Variants in FGF5 observed in about 807,000 individuals in gnomAD.
FGF5 encodes the protein heparin-binding growth factor 5.
Under a neutral mutation model 21.8 loss-of-function variants are expected in FGF5, and 23 were observed. The observed-to-expected ratio is 1.05, with a 90% CI of 0.76 to 1.49. FGF5 has a LOEUF of 1.49. Among genes scored for constraint, FGF5 ranks in the 40% most tolerant of loss-of-function variants. The pLI, the probability that FGF5 is intolerant of heterozygous loss-of-function variation, is 0.00. For synonymous variants in FGF5, 158 were observed against 124.0 expected (o/e 1.27, Z -1.82); for missense variants, 352 against 332.9 (o/e 1.06, Z -0.45).
intron 2 of FGF5, among the ~76,000 whole-genome samples, chr4:80,276,752 G>T (rs192136131): frequency 7.0e-6 from 1 of 142,182 alleles, no homozygotes; most frequent in East Asian, 2.1e-4. Context: ...TCTCACGAGG[G>T]CTGGAAAAAA....
upstream of FGF5, chr4:80,266,612 G>C (rs1027945987): frequency 1.8e-6 from 1 of 568,420 alleles, no homozygotes; most frequent in African/African-American, 1.9e-5. Context: ...GGCGTGCACG[G>C]AGCAGTGAGA....
intron 1 of FGF5, among the ~76,000 whole-genome samples, chr4:80,272,835 T>C (rs1436156425): frequency 1.3e-5 from 2 of 152,126 alleles, no homozygotes; most frequent in Non-Finnish European, 2.9e-5. Context: ...TTCTTTCTCA[T>C]TTTTGAATGC....
chr4:80,270,831 T>C (rs1578291445), intron 1 of FGF5, among the ~76,000 whole-genome samples: 1 of 152,224 alleles, frequency 6.6e-6, no homozygotes, highest in East Asian at 1.9e-4. Flanking sequence ...TCGTCGATGT[T>C]ACTGCTTTTT....
intron 1 of FGF5, among the ~76,000 whole-genome samples, chr4:80,271,087 C>A (rs1024520176): frequency 6.6e-6 from 1 of 152,094 alleles, no homozygotes; most frequent in Non-Finnish European, 1.5e-5. Flanking sequence ...ATATTTTTGT[C>A]TGGGGATTTT....
Position 80,291,007 on chromosome 4 carries a change from A to G in FGF5, c.*4335A>G, listed in dbSNP as rs1472272912. Reference sequence around the variant, plus strand: ...AGTGCTGCAATAAACATATGTGTGCATGTGTCTTTATAGCAGCATGATTTA... The same window carrying G: ...AGTGCTGCAATAAACATATGTGTGCGTGTGTCTTTATAGCAGCATGATTTA... On this transcript the variant is annotated 3_prime_UTR_variant, in exon 3 of 3. Coordinates refer to ENST00000312465, the MANE Select transcript of FGF5 (RefSeq NM_004464.4). The G allele has an allele frequency of 6.6e-6, 1 of 152,182 alleles. No homozygotes were observed. Among genetic ancestry groups the G allele is most frequent in the African/African-American group, 2.4e-5 (1 of 41,430 alleles). 9.4% of individuals were successfully genotyped at this position (152,182 alleles called of 1,614,324 possible).
Position 80,290,372 on chromosome 4 carries a change from A to G in FGF5, c.*3700A>G, listed in dbSNP as rs1434226052. 6.6e-6 allele frequency: 1 copy of G among 152,114 alleles called. No individual in the cohort carries two copies. The highest frequency in any genetic ancestry group is 1.5e-5 in the Non-Finnish European group (1 of 68,020). The allele number at this position is 152,114 out of a possible 1,614,324, so 9.4% of individuals were successfully genotyped here. Reference sequence around the variant, plus strand: ...GTAGTCAATCCAACTGTACTGGCCAATTTTTGAAATAAGATTATATGATTA... The same window carrying G: ...GTAGTCAATCCAACTGTACTGGCCAGTTTTTGAAATAAGATTATATGATTA... On this transcript the variant is annotated 3_prime_UTR_variant, in exon 3 of 3. Transcript: ENST00000312465.
chr4:80,274,978 T>G lies in FGF5; in HGVS notation c.425T>G (p.Leu142Ter). 1 of 1,592,462 alleles carries G rather than the reference T, an allele frequency of 6.3e-7. No homozygotes were observed. The highest frequency in any genetic ancestry group is 8.6e-7 in the Non-Finnish European group (1 of 1,164,144). The change falls in exon 2 of 3, where the codon TTA becomes TGA. Residue 142 changes from leucine (L) to a stop codon, truncating the protein, a stop_gained. Transcript: ENST00000312465. LOFTEE classifies it high-confidence loss of function. Reference sequence around the variant, plus strand: ...CGAGGAGTTTTCAGCAACAAATTTTTAGCGATGTCAAAAAAAGGAAAACTC... The same window carrying G: ...CGAGGAGTTTTCAGCAACAAATTTTGAGCGATGTCAAAAAAAGGAAAACTC... ...GIRGVFSNKF[L>*]AMSKKGKLHA...
chr4:80,282,353 C>CTT (rs540752053), intron 2 of FGF5, among the ~76,000 whole-genome samples: 9 of 147,960 alleles, frequency 6.1e-5, no homozygotes, highest in African/African-American at 2.2e-4. Context: ...GTTTAAAGTT[C>CTT]TTTTTTTTTT....
rs77848274 is a variant in FGF5 at position 80,271,185 on chromosome 4, A to T, written c.356-3724A>T. 4.7e-3 allele frequency among the ~76,000 whole-genome samples: 709 copies of T among 152,348 alleles called. 5 individuals are homozygous for T. Among genetic ancestry groups the T allele is most frequent in the African/African-American group, 0.015 (631 of 41,584 alleles). The stretch of plus-strand genomic sequence containing the variant: ...TTAACAAAAGAGAGAAAAAGGAAAA[A>T]TGTGTATAGTTGTATCAACCACTAT... On this transcript the variant is annotated intron_variant, in intron 1 of 2. Transcript: ENST00000312465.
chr4:80,271,993 A>G (rs1050370910), intron 1 of FGF5, among the ~76,000 whole-genome samples: 1 of 152,154 alleles, frequency 6.6e-6, no homozygotes, highest in Non-Finnish European at 1.5e-5. Flanking sequence ...GAACTGTGAG[A>G]CTCATTGAAT....
Position 80,277,776 on chromosome 4 carries a change from A to C in FGF5, c.459+2764A>C, listed in dbSNP as rs551893170. On this transcript the variant is annotated intron_variant, in intron 2 of 2. Coordinates refer to ENST00000312465, the MANE Select transcript of FGF5 (RefSeq NM_004464.4). ...GGGTTCTATCTACAAAGCAAATGTA[A>C]ACTAAAAATATAAAATATTAATAGA... 3.9e-5 allele frequency among the ~76,000 whole-genome samples: 6 copies of C among 152,246 alleles called. No individual in the cohort carries two copies. In the South Asian group the frequency reaches 1.0e-3, roughly 26 times the overall value.
At chr4:80,275,117 C>T in intron 2 of FGF5, 105 bp downstream of exon 2, 1 of 498,022 alleles carries the variant, frequency 2.0e-6, no homozygotes, top group Non-Finnish European at 3.6e-6. Flanking sequence ...GCCCAAAGAA[C>T]TTAACTTTTA....
At chr4:80,275,304 T>A (rs1368837772) in intron 2 of FGF5, among the ~76,000 whole-genome samples, 2 of 152,016 alleles carry the variant, frequency 1.3e-5, no homozygotes, top group Non-Finnish European at 2.9e-5. Context: ...GTGGCCCACG[T>A]AAGAAGGAAT....
At chr4:80,284,220 G>A (rs1720644802) in intron 2 of FGF5, among the ~76,000 whole-genome samples, 1 of 152,272 alleles carries the variant, frequency 6.6e-6, no homozygotes, top group Middle Eastern at 3.4e-3. Context: ...GATTATCTGA[G>A]GTCAGGAATT....
At chr4:80,279,775 T>C (rs564228318) in intron 2 of FGF5, among the ~76,000 whole-genome samples, 41 of 152,336 alleles carry the variant, frequency 2.7e-4, no homozygotes, top group African/African-American at 9.6e-4. Flanking sequence ...AAAAACATGT[T>C]ACCTTATTTT....
chr4:80,272,253 A>G (rs772677817), intron 1 of FGF5, among the ~76,000 whole-genome samples: 3 of 152,190 alleles, frequency 2.0e-5, no homozygotes, highest in Admixed American at 6.5e-5. Context: ...AATTTTCTTA[A>G]GGTTATAAAA....
At chr4:80,286,056 T>C (rs962705703) in intron 2 of FGF5, among the ~76,000 whole-genome samples, 1 of 152,230 alleles carries the variant, frequency 6.6e-6, no homozygotes, top group African/African-American at 2.4e-5. Flanking sequence ...TCAAGAGTTC[T>C]GGTTACTTTT....
Position 80,267,042 on chromosome 4 carries a change from G to T in FGF5, c.218G>T (p.Gly73Val). 2.5e-6 allele frequency: 4 copies of T among 1,614,258 alleles called. No individual in the cohort carries two copies. The highest frequency in any genetic ancestry group is 3.4e-6 in the Non-Finnish European group (4 of 1,180,044). The part of the protein sequence containing the change: ...PAASLGSQGS[G>V]LEQSSFQWSP... ...GCTTCTCTGGGCAGCCAAGGAAGTG[G>T]CTTGGAGCAGAGCAGTTTCCAGTGG... The change falls in exon 1 of 3, where the codon GGC becomes GTC. Residue 73 changes from glycine to valine, a missense_variant. Gly to Val is a moderately radical substitution (Grantham distance 109). Coordinates refer to ENST00000312465, the MANE Select transcript of FGF5 (RefSeq NM_004464.4).
chr4:80,270,365 C>CTT (rs567528190), intron 1 of FGF5, among the ~76,000 whole-genome samples: 75 of 144,058 alleles, frequency 5.2e-4, no homozygotes, highest in South Asian at 2.7e-3. Flanking sequence ...TGACAGTAAA[C>CTT]TTTTTTTTTT....
Sources: gnomAD v4.1 joint callset for allele counts (sites outside exome capture counted in the v4.1 genomes callset) on GRCh38, gnomAD v4.1.1 for gene constraint, MANE v1.5 for transcripts, NCBI Gene and HGNC (gene_info 2026-07-23, HGNC 2026-07-21) for gene names.